Variants in ZNF211 observed in about 807,000 individuals in gnomAD.
The protein encoded by ZNF211 is zinc finger protein 211, also known as zinc finger protein C2H2-25.
A neutral mutation model predicts 12.1 loss-of-function variants in ZNF211; 18 were observed. That is an observed-to-expected ratio of 1.48 (90% CI 1.03 to 2.20). The LOEUF is 2.20. Ranked by LOEUF, ZNF211 falls within the 30% of genes most tolerant of loss-of-function variation. The pLI is 0.00. For synonymous variants in ZNF211, 249 were observed against 246.0 expected (o/e 1.01, Z -0.11); for missense variants, 677 against 703.1 (o/e 0.96, Z 0.42).
chr19:57,639,089 A>G lies in ZNF211; in HGVS notation c.257-1615A>G, dbSNP rs569094982. Among the ~76,000 whole-genome samples the G allele has an allele frequency of 5.9e-5, 9 of 152,156 alleles. No individual in the cohort carries two copies. The South Asian group carries it at 1.9e-3, about 32-fold the overall frequency. Reference sequence around the variant, plus strand: ...AGGCTGTCACTTTCACCTCATTTACATCTTTGGATCTAAAGCAAATCTCTT... The same window carrying G: ...AGGCTGTCACTTTCACCTCATTTACGTCTTTGGATCTAAAGCAAATCTCTT... On this transcript the variant is annotated intron_variant, in intron 3 of 3. Coordinates refer to ENST00000240731, the MANE Select transcript of ZNF211 (RefSeq NM_006385.5).
At chr19:57,639,021 C>T (rs980724153) in intron 3 of ZNF211, among the ~76,000 whole-genome samples, 1 of 152,006 alleles carries the variant, frequency 6.6e-6, no homozygotes, top group African/African-American at 2.4e-5. Flanking sequence ...TGTAGCCATT[C>T]TTACTCTTTT....
At chr19:57,636,660 T>G (rs1031896753) in intron 3 of ZNF211, among the ~76,000 whole-genome samples, 1 of 152,244 alleles carries the variant, frequency 6.6e-6, no homozygotes, top group African/African-American at 2.4e-5. Context: ...CTTCCAACTT[T>G]CATCCTTTTC....
intron 2 of ZNF211, chr19:57,634,408 G>A: frequency 1.9e-6 from 1 of 514,128 alleles, no homozygotes; most frequent in Non-Finnish European, 3.2e-6. Flanking sequence ...TGGGATCAGA[G>A]GAGGGAGATT....
chr19:57,641,425 T>G lies in ZNF211; in HGVS notation c.978T>G (p.Tyr326Ter). The change falls in exon 4 of 4, where the codon TAT (tyrosine) becomes TAG (stop). Residue 326 changes from tyrosine to a stop codon, truncating the protein, a stop_gained. Coordinates refer to ENST00000240731, the MANE Select transcript of ZNF211 (RefSeq NM_006385.5). LOFTEE classifies it low-confidence loss of function (END_TRUNC). ...HQRVHTGERP[Y>*]ACPECGKSFS... is the part of the protein sequence containing the mutation. ...GAGTTCATACTGGAGAAAGGCCTTA[T>G]GCGTGCCCTGAATGTGGGAAATCGT... 6.2e-7 allele frequency: 1 copy of G among 1,610,720 alleles called. No homozygotes were observed. The highest frequency in any genetic ancestry group is 8.5e-7 in the Non-Finnish European group (1 of 1,177,606).
In ZNF211 at chr19:57,634,622, A is replaced by T; in HGVS notation, c.130-7A>T. On this transcript the variant is annotated splice_region_variant and splice_polypyrimidine_tract_variant and intron_variant, in intron 2 of 3. Transcript: ENST00000240731. ...GTTCATGGTTTCATCAATCCCTATTATGCTAGGGAAGTGTGACCTTTGAAG... is the reference window on the plus strand; with the variant it reads ...GTTCATGGTTTCATCAATCCCTATTTTGCTAGGGAAGTGTGACCTTTGAAG... 4.4e-6 allele frequency: 7 copies of T among 1,573,976 alleles called. No individual in the cohort carries two copies. The highest frequency in any genetic ancestry group is 6.0e-6 in the Non-Finnish European group (7 of 1,160,286).
chr19:57,634,284 C>A, intron 2 of ZNF211: 1 of 512,406 alleles, frequency 2.0e-6, no homozygotes, highest in Non-Finnish European at 3.3e-6. Flanking sequence ...ATGATAGAAA[C>A]AGGTAGGTAC....
intron 3 of ZNF211, among the ~76,000 whole-genome samples, chr19:57,636,356 A>G (rs980539898): frequency 6.6e-6 from 1 of 152,184 alleles, no homozygotes; most frequent in Non-Finnish European, 1.5e-5. Context: ...TAAGACTTCT[A>G]TAGTTTTAGT....
Position 57,641,772 on chromosome 19 carries a change from A to C in ZNF211, c.1325A>C (p.Lys442Thr). ...HTGERPYECS[K>T]CGKSFKQSSS... ...GGAGAAAGACCCTATGAGTGCAGTA[A>C]ATGTGGGAAGTCATTTAAGCAAAGC... The change falls in exon 4 of 4, where the codon AAA becomes ACA. Residue 442 changes from lysine to threonine, a missense_variant. Lys to Thr is a moderately conservative substitution (Grantham distance 78). Transcript: ENST00000240731. 6.2e-7 allele frequency: 1 copy of C among 1,614,042 alleles called. No individual in the cohort carries two copies. Among genetic ancestry groups the C allele is most frequent in the South Asian group, 1.1e-5 (1 of 91,078 alleles).
intron 3 of ZNF211, among the ~76,000 whole-genome samples, chr19:57,640,312 G>A: frequency 6.6e-6 from 1 of 152,164 alleles, no homozygotes; most frequent in East Asian, 1.9e-4. Context: ...TTGTCCTGAA[G>A]TGTGCATATC....
rs757427591 is a variant in ZNF211 at position 57,633,452 on chromosome 19, T to C, written c.90+16T>C. 1 of 1,585,628 alleles carries C rather than the reference T, an allele frequency of 6.3e-7. No homozygotes were observed. The highest frequency in any genetic ancestry group is 1.1e-5 in the South Asian group (1 of 88,134). On this transcript the variant is annotated intron_variant, in intron 1 of 3. Transcript: ENST00000240731. ...CCCGGCTTCGGTGAGCGCTGCGATCTCCGGGCCTCCCCCGGCCGAGATTCT... is the reference window on the plus strand; with the variant it reads ...CCCGGCTTCGGTGAGCGCTGCGATCCCCGGGCCTCCCCCGGCCGAGATTCT...
At chr19:57,636,007 C>T (rs11084511) in intron 3 of ZNF211, among the ~76,000 whole-genome samples, 27,486 of 152,068 alleles carry the variant, frequency 0.18, 2,655 homozygotes, top group East Asian at 0.32. Context: ...TGCTGATTGG[C>T]TATTTGTATA....
At chr19:57,635,105 T>C (rs1981966030) in intron 3 of ZNF211, among the ~76,000 whole-genome samples, 1 of 152,210 alleles carries the variant, frequency 6.6e-6, no homozygotes, top group African/African-American at 2.4e-5. Context: ...GTCACTGACA[T>C]TGCCACTATT....
intron 1 of ZNF211, 137 bp from the exon 2 acceptor site, chr19:57,633,886 C>T (rs745373701): frequency 1.2e-6 from 2 of 1,607,572 alleles, no homozygotes; most frequent in South Asian, 1.1e-5. Context: ...AGAGGCAGCA[C>T]TAAGGACCGA....
chr19:57,637,877 C>G (rs978835244), intron 3 of ZNF211, among the ~76,000 whole-genome samples: 4 of 147,108 alleles, frequency 2.7e-5, no homozygotes, highest in African/African-American at 1.0e-4. Flanking sequence ...AAGTCAAGGG[C>G]TTTTCTTTAA....
intron 3 of ZNF211, chr19:57,639,966 C>T: frequency 2.0e-6 from 3 of 1,521,456 alleles, no homozygotes; most frequent in Middle Eastern, 3.4e-4. Context: ...GGGGAAGTGC[C>T]CTCTGTTCTT....
Position 57,633,400 on chromosome 19 carries a change from G to A in ZNF211, c.54G>A (p.Gln18=). 1 of 1,604,700 alleles carries A rather than the reference G, an allele frequency of 6.2e-7. No homozygotes were observed. The highest frequency in any genetic ancestry group is 8.5e-7 in the Non-Finnish European group (1 of 1,178,746). The part of the protein sequence containing the change: ...RPQLPVQLRP[Q]TRMATALRDP... Reference sequence around the variant, plus strand: ...AGCTCCCGGTCCAGCTCCGCCCACAGACTCGGATGGCGACCGCACTGAGGG... The same window carrying A: ...AGCTCCCGGTCCAGCTCCGCCCACAAACTCGGATGGCGACCGCACTGAGGG... The change falls in exon 1 of 4, where the codon CAG becomes CAA. Residue 18 remains glutamine (Q), a synonymous_variant. Coordinates refer to ENST00000240731, the MANE Select transcript of ZNF211 (RefSeq NM_006385.5).
In ZNF211 at chr19:57,643,003, T is replaced by C. The variant is rs993513950; in HGVS notation, c.*822T>C. Among the ~76,000 whole-genome samples, 1 of 152,184 alleles carries C rather than the reference T, an allele frequency of 6.6e-6. No individual in the cohort carries two copies. On this transcript the variant is annotated 3_prime_UTR_variant, in exon 4 of 4. Transcript: ENST00000240731. Reference sequence around the variant, plus strand: ...GATATTATGGTCTTAATTCGTGGACTGGATGCAAGGATTTTTTGTGGGCTC... The same window carrying C: ...GATATTATGGTCTTAATTCGTGGACCGGATGCAAGGATTTTTTGTGGGCTC...
rs369178119 is a variant in ZNF211 at position 57,640,289 on chromosome 19, CT to C, written c.257-412del. On this transcript the variant is annotated intron_variant, in intron 3 of 3. Transcript: ENST00000240731. ...TTTTCACTGTTCCCTCTGTAGTGTT[CT>C]TTAATATTATTTTGTCCTGAAGTGT... Among the ~76,000 whole-genome samples, 77 of 152,326 alleles carry C rather than the reference CT, an allele frequency of 5.1e-4. No homozygotes were observed. The East Asian group carries it at 0.013, about 25-fold the overall frequency.
intron 3 of ZNF211, chr19:57,639,845 T>C (rs575345901): frequency 7.0e-7 from 1 of 1,419,418 alleles, no homozygotes; most frequent in East Asian, 2.5e-5. Context: ...TAACTTTCCT[T>C]GTTCTTTTTT....
Sources: gnomAD v4.1 joint callset for allele counts (sites outside exome capture counted in the v4.1 genomes callset) on GRCh38, gnomAD v4.1.1 for gene constraint, MANE v1.5 for transcripts, NCBI Gene and HGNC (gene_info 2026-07-23, HGNC 2026-07-21) for gene names.